Variants in ABCA12 observed in about 807,000 individuals in gnomAD.
ABCA12 encodes the protein glucosylceramide transporter ABCA12.
In ABCA12, 156 loss-of-function variants were observed where a neutral mutation model predicts 293.5. That is an observed-to-expected ratio of 0.53 (90% CI 0.47 to 0.61). The LOEUF (loss-of-function observed/expected upper bound fraction) is 0.61. Ranked by LOEUF, ABCA12 falls within the 20% of genes least tolerant of loss-of-function variation. ABCA12 has a pLI of 0.00. For missense variants in ABCA12, 2,797 were observed against 3,090.2 expected, an observed-to-expected ratio of 0.91 and a Z score of 2.25; for synonymous variants, 1,063 against 1,108.0, an observed-to-expected ratio of 0.96 and a Z score of 0.81.
At chr2:215,081,033 T>C (rs1701926116) in intron 2 of ABCA12, among the ~76,000 whole-genome samples, 1 of 152,216 alleles carries the variant, frequency 6.6e-6, no homozygotes, top group Non-Finnish European at 1.5e-5. Flanking sequence ...TTGCTTCCTA[T>C]ATTAATAGTT....
intron 6 of ABCA12, among the ~76,000 whole-genome samples, chr2:215,048,614 A>C (rs972262893): frequency 4.6e-5 from 7 of 152,150 alleles, no homozygotes; most frequent in African/African-American, 1.7e-4. Context: ...GAGGCACGAG[A>C]ATTACTTGAA....
chr2:215,104,249 C>T lies in ABCA12; in HGVS notation c.163+7348G>A, dbSNP rs73074489. On this transcript the variant is annotated intron_variant, in intron 2 of 52. Transcript: ENST00000272895. Reference sequence around the variant, plus strand: ...TACAGGATGGAGAGAAAATACCCTTCCTTACTCTTAATTTTTCTACTTGTT... The same window carrying T: ...TACAGGATGGAGAGAAAATACCCTTTCTTACTCTTAATTTTTCTACTTGTT... 4.5e-3 allele frequency among the ~76,000 whole-genome samples: 691 copies of T among 152,246 alleles called. 11 individuals are homozygous for T. The highest frequency in any genetic ancestry group is 0.016 in the African/African-American group (671 of 41,552).
chr2:215,004,466 G>T (rs984374821), intron 19 of ABCA12, among the ~76,000 whole-genome samples, 167 bp from the exon 20 acceptor site: 1 of 152,150 alleles, frequency 6.6e-6, no homozygotes, highest in African/African-American at 2.4e-5. Context: ...GAGAAGATTG[G>T]GGGTTGGTAA....
chr2:214,978,275 A>G, intron 33 of ABCA12, 41 bp downstream of exon 33: 1 of 1,610,594 alleles, frequency 6.2e-7, no homozygotes, highest in East Asian at 2.2e-5. Flanking sequence ...CATTTATGTC[A>G]TCCATTGGAA....
At position 215,106,719 on chromosome 2, in the gene ABCA12, C is replaced by A. The variant is rs546489065; in HGVS notation, c.163+4878G>T. On this transcript the variant is annotated intron_variant, in intron 2 of 52. Transcript: ENST00000272895. ...CATCCCTGTTATTACTTGTATGCAT[C>A]CCTGAAGATAAAGGGTATGCTTTGG... is the stretch of plus-strand genomic sequence containing the variant. Among the ~76,000 whole-genome samples the A allele has an allele frequency of 2.6e-4, 39 of 150,822 alleles. No homozygotes were observed. In the South Asian group the frequency reaches 8.1e-3, roughly 31 times the overall value.
intron 36 of ABCA12, among the ~76,000 whole-genome samples, chr2:214,972,311 C>A (rs1294253505): frequency 1.3e-5 from 2 of 152,002 alleles, no homozygotes; most frequent in Non-Finnish European, 2.9e-5. Context: ...TGCAAAGTGA[C>A]CTCATTGTTA....
chr2:215,106,490 T>A (rs1263358911), intron 2 of ABCA12, among the ~76,000 whole-genome samples: 1 of 152,192 alleles, frequency 6.6e-6, no homozygotes, highest in Non-Finnish European at 1.5e-5. Context: ...CGCAGGTATC[T>A]TATCCAAAAA....
chr2:215,040,844 GT>G (rs1472544736), intron 7 of ABCA12, among the ~76,000 whole-genome samples: 3 of 151,658 alleles, frequency 2.0e-5, no homozygotes, highest in South Asian at 2.1e-4. Flanking sequence ...AAAACAAAAT[GT>G]TATGTGTCCC....
intron 21 of ABCA12, among the ~76,000 whole-genome samples, chr2:215,001,298 G>C (rs1700140392): frequency 6.6e-6 from 1 of 152,148 alleles, no homozygotes; most frequent in South Asian, 2.1e-4. Context: ...GATAAATAAT[G>C]ACTGATTATG....
At chr2:215,097,907 T>G (rs1165615933) in intron 2 of ABCA12, among the ~76,000 whole-genome samples, 1 of 152,236 alleles carries the variant, frequency 6.6e-6, no homozygotes, top group African/African-American at 2.4e-5. Context: ...TATCAGTTCT[T>G]GGGTATATCT....
chr2:215,046,875 T>C (rs1372484783), intron 6 of ABCA12, among the ~76,000 whole-genome samples: 2 of 152,056 alleles, frequency 1.3e-5, no homozygotes, highest in African/African-American at 4.8e-5. Flanking sequence ...CTATACACCA[T>C]GGAATACTAT....
intron 2 of ABCA12, among the ~76,000 whole-genome samples, chr2:215,110,818 G>C (rs1702557681): frequency 6.6e-6 from 1 of 152,196 alleles, no homozygotes; most frequent in Non-Finnish European, 1.5e-5. Flanking sequence ...CTAATTTATA[G>C]AAATTTGATT....
Position 215,045,965 on chromosome 2 carries a change from TCTGA to T in ABCA12, c.740_743del (p.Val247GlufsTer32). 3.7e-6 allele frequency: 6 copies of T among 1,613,740 alleles called. No homozygotes were observed. The highest frequency in any genetic ancestry group is 3.3e-5 in the South Asian group (3 of 91,068). On this transcript the variant is annotated frameshift_variant, in exon 7 of 53. Transcript: ENST00000272895. LOFTEE classifies it high-confidence loss of function. ...GCACTTGTGAGAAGAAAGACAGCAT[TCTGA>T]CTATTTCCTGAAACACTATCTTCTG...
chr2:214,987,824 T>A, intron 26 of ABCA12, 31 bp from the exon 27 acceptor site: 2 of 1,608,636 alleles, frequency 1.2e-6, no homozygotes, highest in Non-Finnish European at 1.7e-6. Context: ...GAACAGTGAG[T>A]TTTAGTTGAC....
intron 13 of ABCA12, among the ~76,000 whole-genome samples, chr2:215,018,775 C>A (rs534865041): frequency 6.6e-6 from 1 of 152,086 alleles, no homozygotes; most frequent in Non-Finnish European, 1.5e-5. Flanking sequence ...ATCTAAGTAT[C>A]CTTCATGCAA....
chr2:215,067,405 T>C (rs1701658742), intron 2 of ABCA12, among the ~76,000 whole-genome samples: 1 of 152,094 alleles, frequency 6.6e-6, no homozygotes, highest in African/African-American at 2.4e-5. Flanking sequence ...AAGACCATGA[T>C]TGTGCAAACC....
At chr2:214,932,767 A>G (rs749641964) in intron 52 of ABCA12, 26 bp from the exon 53 acceptor site, 2 of 1,533,984 alleles carry the variant, frequency 1.3e-6, no homozygotes, top group South Asian at 2.2e-5. Flanking sequence ...AAATAAAGCC[A>G]TTAATGCCTG....
At chr2:214,999,661 C>A in intron 22 of ABCA12, 1 of 286,162 alleles carries the variant, frequency 3.5e-6, no homozygotes, top group Non-Finnish European at 5.2e-6. Flanking sequence ...ACTTCATTGA[C>A]CCCATAGATC....
intron 8 of ABCA12, chr2:215,032,385 T>C (rs1396925614): frequency 1.5e-5 from 3 of 194,364 alleles, no homozygotes; most frequent in African/African-American, 2.4e-5. Context: ...CAGCCACTAA[T>C]CTCAATTGAA....
Sources: allele counts gnomAD v4.1 joint callset (sites outside exome capture counted in the v4.1 genomes callset), GRCh38; gene constraint gnomAD v4.1.1; transcripts MANE v1.5; gene names NCBI Gene and HGNC (gene_info 2026-07-23, HGNC 2026-07-21).